The following DAB1 variants were observed in gnomAD, a reference collection of about 807,000 sequenced individuals.
The protein encoded by DAB1 is disabled homolog 1.
In DAB1, 15 loss-of-function variants were observed where a neutral mutation model predicts 64.6. That is an observed-to-expected ratio of 0.23 (90% CI 0.16 to 0.36). The LOEUF (loss-of-function observed/expected upper bound fraction) is 0.36. Among genes scored for constraint, DAB1 ranks in the 10% least tolerant of loss-of-function variants. The pLI, the probability that DAB1 is intolerant of heterozygous loss-of-function variation, is 1.00. For missense variants in DAB1, 596 were observed against 706.7 expected, an observed-to-expected ratio of 0.84 and a Z score of 1.78; for synonymous variants, 235 against 251.9, an observed-to-expected ratio of 0.93 and a Z score of 0.64.
At chr1:57,234,944 G>A (rs1667981210) in intron 2 of DAB1, among the ~76,000 whole-genome samples, 1 of 152,174 alleles carries the variant, frequency 6.6e-6, no homozygotes, top group Non-Finnish European at 1.5e-5. Flanking sequence ...GAATGTCTCT[G>A]ACGTCCTCTT....
chr1:57,259,773 T>G (rs197638), intron 2 of DAB1, among the ~76,000 whole-genome samples: 76,411 of 152,044 alleles, frequency 0.5, 20,252 homozygotes, highest in Admixed American at 0.63. Flanking sequence ...CAATTACTTC[T>G]GAGCTTCTGC....
chr1:57,719,358 G>C (rs931952172), intron 6 of DAB1, among the ~76,000 whole-genome samples: 1 of 152,180 alleles, frequency 6.6e-6, no homozygotes, highest in Non-Finnish European at 1.5e-5. Flanking sequence ...ACGTTTAAAA[G>C]AGAAGCCATA....
At chr1:57,259,368 A>G (rs1161506213) in intron 2 of DAB1, among the ~76,000 whole-genome samples, 3 of 152,200 alleles carry the variant, frequency 2.0e-5, no homozygotes, top group Non-Finnish European at 4.4e-5. Context: ...AGATGCTAAA[A>G]GAGTAGGGAG....
chr1:57,865,794 A>G (rs980200752), intron 1 of DAB1, among the ~76,000 whole-genome samples: 2 of 152,210 alleles, frequency 1.3e-5, no homozygotes, highest in Non-Finnish European at 2.9e-5. Flanking sequence ...GGCTGTATCA[A>G]CTTGGCCAGG....
At chr1:58,480,462 T>C (rs1344810884) in intron 3 of DAB1, among the ~76,000 whole-genome samples, 2 of 152,202 alleles carry the variant, frequency 1.3e-5, no homozygotes, top group African/African-American at 2.4e-5. Context: ...AGTAGCATTT[T>C]CTCCAGTCAT....
chr1:57,866,089 G>A (rs1654289180), intron 1 of DAB1, among the ~76,000 whole-genome samples: 1 of 152,128 alleles, frequency 6.6e-6, no homozygotes, highest in South Asian at 2.1e-4. Context: ...TGAATTTTGT[G>A]GGGACACAAA....
At chr1:57,543,014 C>T (rs1186704712) in intron 7 of DAB1, among the ~76,000 whole-genome samples, 1 of 152,116 alleles carries the variant, frequency 6.6e-6, no homozygotes, top group Admixed American at 6.5e-5. Context: ...GCCAACAATT[C>T]TGGGAGTGAG....
At chr1:57,976,906 C>T (rs550599854) in intron 5 of DAB1, among the ~76,000 whole-genome samples, 1 of 152,316 alleles carries the variant, frequency 6.6e-6, no homozygotes, top group East Asian at 1.9e-4. Flanking sequence ...ACCACTGCCA[C>T]TGTTTTAATC....
intron 3 of DAB1, among the ~76,000 whole-genome samples, chr1:58,466,854 G>A (rs951411692): frequency 6.6e-6 from 1 of 152,156 alleles, no homozygotes; most frequent in Non-Finnish European, 1.5e-5. Flanking sequence ...CCCACTAGTT[G>A]GGGGACTCCT....
At position 57,424,004 on chromosome 1, in the gene DAB1, G is replaced by C. The variant is rs900422205; in HGVS notation, c.-211C>G. Reference sequence around the variant, plus strand: ...CGGCTCCCCATGCCCGGCGGGCGGCGGCACTCAGGCGCGCTCTGCAGCCCG... The same window carrying C: ...CGGCTCCCCATGCCCGGCGGGCGGCCGCACTCAGGCGCGCTCTGCAGCCCG... On this transcript the variant is annotated 5_prime_UTR_variant, in exon 1 of 15. Transcript: ENST00000371236. 1 of 152,068 alleles carries C rather than the reference G, an allele frequency of 6.6e-6. No individual in the cohort carries two copies. Among genetic ancestry groups the C allele is most frequent in the Admixed American group, 6.6e-5 (1 of 15,264 alleles). The allele number at this position is 152,068 out of a possible 1,614,324, so 9.4% of individuals were successfully genotyped here.
At chr1:57,336,995 C>G (rs961028596) in intron 1 of DAB1, among the ~76,000 whole-genome samples, 3 of 152,126 alleles carry the variant, frequency 2.0e-5, no homozygotes, top group Admixed American at 2.0e-4. Flanking sequence ...TACTCACAAA[C>G]AGAGAGTGTG....
At chr1:58,356,353 G>A (rs1001996130) in intron 3 of DAB1, among the ~76,000 whole-genome samples, 1 of 152,144 alleles carries the variant, frequency 6.6e-6, no homozygotes, top group Non-Finnish European at 1.5e-5. Context: ...GGGAAGACCT[G>A]CTCACAAGAC....
intron 1 of DAB1, among the ~76,000 whole-genome samples, chr1:57,411,288 G>C (rs1684090160): frequency 6.6e-6 from 1 of 152,204 alleles, no homozygotes; most frequent in Non-Finnish European, 1.5e-5. Flanking sequence ...TGGGTGCAGA[G>C]ACCTGGGTCT....
chr1:57,893,028 G>T (rs182900093), intron 5 of DAB1, among the ~76,000 whole-genome samples: 2 of 129,658 alleles, frequency 1.5e-5, no homozygotes, highest in African/African-American at 6.1e-5. Flanking sequence ...TAAGCCTAGG[G>T]TGTCACCTGA....
At chr1:57,525,128 A>T (rs1644576033) in intron 7 of DAB1, among the ~76,000 whole-genome samples, 1 of 152,254 alleles carries the variant, frequency 6.6e-6, no homozygotes, top group South Asian at 2.1e-4. Context: ...TCATAGAGCA[A>T]TAAGTTAGTA....
chr1:57,237,847 G>T lies in DAB1; in HGVS notation c.67+53117C>A, dbSNP rs143380577. Among the ~76,000 whole-genome samples the T allele has an allele frequency of 1.7e-3, 258 of 152,260 alleles. 1 individual carries two copies. Among genetic ancestry groups the T allele is most frequent in the African/African-American group, 5.3e-3 (222 of 41,546 alleles). On this transcript the variant is annotated intron_variant, in intron 2 of 14. Transcript: ENST00000371236. ...GTAAGGAAAATGCTTTGGGGCAAAG[G>T]GATGATGAATTACACATAGATCTTG...
chr1:57,051,385 C>A (rs1218162481), intron 9 of DAB1, among the ~76,000 whole-genome samples: 1 of 152,094 alleles, frequency 6.6e-6, no homozygotes, highest in East Asian at 1.9e-4. Flanking sequence ...AGATTTCAAA[C>A]TAAAGGAAAA....
chr1:57,113,574 A>G (rs1253558188), intron 4 of DAB1, among the ~76,000 whole-genome samples: 1 of 152,202 alleles, frequency 6.6e-6, no homozygotes, highest in Non-Finnish European at 1.5e-5. Context: ...GATGAGTGTG[A>G]TTGTATTGCC....
At chr1:57,425,176 T>A (rs1156266057), upstream of DAB1, among the ~76,000 whole-genome samples, 1 of 152,054 alleles carries the variant, frequency 6.6e-6, no homozygotes, top group Non-Finnish European at 1.5e-5. Context: ...AAGTGCATAA[T>A]ATGTAGATTC....
Sources: gnomAD v4.1 joint callset for allele counts (sites outside exome capture counted in the v4.1 genomes callset) on GRCh38, gnomAD v4.1.1 for gene constraint, MANE v1.5 for transcripts, NCBI Gene and HGNC (gene_info 2026-07-23, HGNC 2026-07-21) for gene names.